GRID1: variants seen among roughly 807,000 people sequenced by gnomAD.
GRID1 encodes the protein glutamate receptor ionotropic, delta-1.
In GRID1, 28 loss-of-function variants were observed where a neutral mutation model predicts 98.0. The ratio of observed to expected loss-of-function variants is 0.29; its 90% CI spans 0.21 to 0.39. GRID1 has a LOEUF of 0.39. GRID1 is among the 10% of genes least tolerant of loss of function. The pLI, the probability that GRID1 is intolerant of heterozygous loss-of-function variation, is 1.00. For synonymous variants in GRID1, 553 were observed against 538.5 expected (o/e 1.03, Z -0.37); for missense variants, 1,111 against 1,340.5 (o/e 0.83, Z 2.67).
chr10:85,786,862 C>T (rs778518019), intron 8 of GRID1, among the ~76,000 whole-genome samples: 19 of 151,754 alleles, frequency 1.3e-4, no homozygotes, highest in Non-Finnish European at 1.9e-4. Context: ...AAGGGCAGGG[C>T]GTGGAGGAGG....
intron 12 of GRID1, among the ~76,000 whole-genome samples, chr10:85,697,389 CTA>C (rs1841406063): frequency 1.3e-5 from 2 of 152,128 alleles, no homozygotes; most frequent in East Asian, 3.8e-4. Context: ...CTGTAATACT[CTA>C]TGGCATAAAG....
chr10:85,677,287 T>A (rs993906950), intron 12 of GRID1, among the ~76,000 whole-genome samples: 4 of 152,160 alleles, frequency 2.6e-5, no homozygotes, highest in Non-Finnish European at 2.9e-5. Flanking sequence ...GGCAGGCCAA[T>A]AATGCACACC....
chr10:86,095,329 T>C (rs1302732253), intron 4 of GRID1, among the ~76,000 whole-genome samples: 2 of 151,908 alleles, frequency 1.3e-5, no homozygotes, highest in African/African-American at 4.8e-5. Context: ...AAAAAGCAAA[T>C]GCAATAAAAA....
intron 12 of GRID1, among the ~76,000 whole-genome samples, chr10:85,679,205 C>A (rs923580600): frequency 2.0e-5 from 3 of 152,202 alleles, no homozygotes; most frequent in African/African-American, 7.2e-5. Flanking sequence ...GAAATACCTA[C>A]TCATTGGAAT....
At chr10:85,763,226 AT>A (rs1338724288) in intron 8 of GRID1, among the ~76,000 whole-genome samples, 1 of 152,048 alleles carries the variant, frequency 6.6e-6, no homozygotes, top group Non-Finnish European at 1.5e-5. Flanking sequence ...TGCTCTCTGT[AT>A]TTTACATCTT....
chr10:86,084,639 C>T (rs570797293), intron 4 of GRID1, among the ~76,000 whole-genome samples: 2 of 152,216 alleles, frequency 1.3e-5, no homozygotes, highest in Admixed American at 6.5e-5. Context: ...TGTCCATTGA[C>T]GGATTAATGA....
intron 4 of GRID1, among the ~76,000 whole-genome samples, chr10:86,077,113 C>T (rs955019985): frequency 7.3e-6 from 1 of 136,904 alleles, no homozygotes; most frequent in Non-Finnish European, 1.6e-5. Flanking sequence ...CAGTGACAAA[C>T]GAGGAGCCTT....
chr10:85,761,523 C>T (rs1842146869), intron 8 of GRID1, among the ~76,000 whole-genome samples: 1 of 152,178 alleles, frequency 6.6e-6, no homozygotes, highest in Non-Finnish European at 1.5e-5. Flanking sequence ...AGGTAACAGG[C>T]ATACAAATTA....
chr10:85,639,753 A>C (rs2132544434), intron 13 of GRID1, among the ~76,000 whole-genome samples: 1 of 152,242 alleles, frequency 6.6e-6, no homozygotes, highest in East Asian at 1.9e-4. Context: ...CATGCCTGTA[A>C]TCCCCGCTAC....
chr10:86,209,334 G>A (rs1448639950), intron 2 of GRID1, among the ~76,000 whole-genome samples: 3 of 152,230 alleles, frequency 2.0e-5, no homozygotes. Flanking sequence ...TTGCCTCTGT[G>A]CCAAATTCTC....
Position 85,724,496 on chromosome 10 carries a change from C to T in GRID1, c.1714G>A (p.Ala572Thr), listed in dbSNP as rs1214965517. The part of the protein sequence containing the change: ...DFAVWACIAA[A>T]IPVVGVLIFV... ...ATCAGCACACCAACCACAGGGATGG[C>T]TGCTGCAATGCAGGCCCACACAGCG... The change falls in exon 11 of 16, where the codon GCC (alanine) becomes ACC (threonine). Residue 572 changes from alanine to threonine, a missense_variant. Transcript: ENST00000327946. 1.2e-6 allele frequency: 2 copies of T among 1,614,132 alleles called. No homozygotes were observed. Among genetic ancestry groups the T allele is most frequent in the East Asian group, 2.2e-5 (1 of 44,882 alleles).
intron 5 of GRID1, among the ~76,000 whole-genome samples, chr10:85,879,923 A>G (rs1325763029): frequency 6.6e-6 from 1 of 152,198 alleles, no homozygotes; most frequent in Non-Finnish European, 1.5e-5. Flanking sequence ...GACGCAATAA[A>G]AAATGATAAA....
At chr10:85,726,532 G>T (rs1390476050) in intron 10 of GRID1, among the ~76,000 whole-genome samples, 2 of 152,190 alleles carry the variant, frequency 1.3e-5, no homozygotes. Context: ...ATTAAGAACA[G>T]AGGGAGTCAC....
intron 12 of GRID1, among the ~76,000 whole-genome samples, chr10:85,662,950 A>G (rs1840982528): frequency 6.6e-6 from 1 of 151,780 alleles, no homozygotes; most frequent in Non-Finnish European, 1.5e-5. Flanking sequence ...CCTGTGCAAG[A>G]TTTTGTTTCC....
chr10:86,231,214 G>A (rs766100876), intron 2 of GRID1, among the ~76,000 whole-genome samples: 51 of 152,126 alleles, frequency 3.4e-4, no homozygotes, highest in Non-Finnish European at 6.2e-4. Flanking sequence ...AATTCCAAGC[G>A]GAAATGGTTG....
At chr10:85,861,042 T>C (rs551401879) in intron 6 of GRID1, among the ~76,000 whole-genome samples, 1 of 152,160 alleles carries the variant, frequency 6.6e-6, no homozygotes, top group South Asian at 2.1e-4. Context: ...AAATAAAATA[T>C]CTATGCAGCT....
rs924685388 is a variant in GRID1 at position 85,974,088 on chromosome 10, G to A, written c.727-57849C>T. Among the ~76,000 whole-genome samples, 3 of 152,114 alleles carry A rather than the reference G, an allele frequency of 2.0e-5. No individual in the cohort carries two copies. The East Asian group carries it at 5.8e-4, about 29-fold the overall frequency. ...CATATTCTCTTTATCAGAGTAGATG[G>A]GTAGGTGGACGCCTGCTTTCTACGG... On this transcript the variant is annotated intron_variant, in intron 4 of 15. Transcript: ENST00000327946.
chr10:85,668,348 C>G (rs1289274608), intron 12 of GRID1, among the ~76,000 whole-genome samples: 1 of 152,110 alleles, frequency 6.6e-6, no homozygotes, highest in Non-Finnish European at 1.5e-5. Flanking sequence ...GGTTGGCTAC[C>G]CTTGTGGGCA....
At position 85,869,101 on chromosome 10, in the gene GRID1, G is replaced by T; in HGVS notation, c.860C>A (p.Ser287Tyr). 1.2e-6 allele frequency: 2 copies of T among 1,613,954 alleles called. No individual in the cohort carries two copies. Among genetic ancestry groups the T allele is most frequent in the Non-Finnish European group, 1.7e-6 (2 of 1,179,836 alleles). The stretch of plus-strand genomic sequence containing the variant: ...CGTGCATTTCTGATTGTCCTTTGCA[G>T]ACGGAAAGATTTGCCGGACCACGGT... ...RMTVVRQIFP[S>Y]AKDNQKCTRN... Residue 287 changes from serine (S) to tyrosine (Y), a missense_variant, in exon 6 of 16, where the codon TCT (serine) becomes TAT (tyrosine). Ser to Tyr is a moderately radical substitution (Grantham distance 144). Transcript: ENST00000327946.
Sources: allele counts gnomAD v4.1 joint callset (sites outside exome capture counted in the v4.1 genomes callset), GRCh38; gene constraint gnomAD v4.1.1; transcripts MANE v1.5; gene names NCBI Gene and HGNC (gene_info 2026-07-23, HGNC 2026-07-21).